The following NRG3 variants were observed in gnomAD, a reference collection of about 807,000 sequenced individuals.
NRG3 encodes the protein pro-neuregulin-3, membrane-bound isoform.
Under a neutral mutation model 66.9 loss-of-function variants are expected in NRG3, and 31 were observed. The ratio of observed to expected loss-of-function variants is 0.46; its 90% confidence interval spans 0.35 to 0.63. The LOEUF is 0.63. Among genes scored for constraint, NRG3 ranks in the 20% least tolerant of loss-of-function variants. NRG3 has a pLI of 0.00. For synonymous variants in NRG3, 393 were observed against 359.4 expected, an observed-to-expected ratio of 1.09 and a Z score of -1.06; for missense variants, 910 against 878.9, an observed-to-expected ratio of 1.04 and a Z score of -0.45.
At chr10:82,218,249 A>G (rs2075779961) in intron 1 of NRG3, among the ~76,000 whole-genome samples, 1 of 152,224 alleles carries the variant, frequency 6.6e-6, no homozygotes, top group Non-Finnish European at 1.5e-5. Flanking sequence ...ACAAATTAAC[A>G]GCATAATATT....
chr10:82,675,704 T>C (rs1424293067), intron 2 of NRG3, among the ~76,000 whole-genome samples: 2 of 152,222 alleles, frequency 1.3e-5, no homozygotes, highest in Non-Finnish European at 2.9e-5. Flanking sequence ...CAAGGCTAGC[T>C]TGGCTTAAGC....
chr10:82,143,737 T>C (rs907793377), intron 1 of NRG3, among the ~76,000 whole-genome samples: 4 of 152,090 alleles, frequency 2.6e-5, no homozygotes, highest in Non-Finnish European at 1.5e-5. Flanking sequence ...AGTGAGCATG[T>C]GTGGATATGT....
At chr10:82,964,653 C>G (rs985581517) in intron 6 of NRG3, among the ~76,000 whole-genome samples, 6 of 152,142 alleles carry the variant, frequency 3.9e-5, no homozygotes, top group Non-Finnish European at 4.4e-5. Flanking sequence ...TCCCCATACT[C>G]GGGCTCATAA....
intron 3 of NRG3, among the ~76,000 whole-genome samples, chr10:82,773,735 A>G (rs577706830): frequency 6.6e-6 from 1 of 152,296 alleles, no homozygotes; most frequent in African/African-American, 2.4e-5. Flanking sequence ...CACTTCCAGT[A>G]CTATGTTGAA....
chr10:82,604,257 G>A (rs1399436591), intron 2 of NRG3, among the ~76,000 whole-genome samples: 5 of 151,902 alleles, frequency 3.3e-5, no homozygotes, highest in Admixed American at 3.3e-4. Context: ...ACATAGTTTT[G>A]GTTTTTTCCA....
intron 1 of NRG3, among the ~76,000 whole-genome samples, chr10:82,218,252 A>G (rs1278306887): frequency 6.6e-6 from 1 of 152,124 alleles, no homozygotes; most frequent in East Asian, 1.9e-4. Context: ...AATTAACAGC[A>G]TAATATTACG....
chr10:81,986,828 C>T (rs1170341931), intron 1 of NRG3, among the ~76,000 whole-genome samples: 1 of 152,064 alleles, frequency 6.6e-6, no homozygotes. Context: ...GTGCATGCCA[C>T]CATTCCCAGC....
rs149783779 is a variant in NRG3 at position 81,932,774 on chromosome 10, G to A, written c.823+56611G>A. On this transcript the variant is annotated intron_variant, in intron 1 of 8. Transcript: ENST00000372141. ...AGGTGTTTGATAGCTTCTAGTCACC[G>A]TCCAAAGGGTCATGGTCTTTCTGAT... Among the ~76,000 whole-genome samples the A allele has an allele frequency of 2.7e-3, 406 of 152,172 alleles. 1 individual carries two copies. Among genetic ancestry groups the A allele is most frequent in the Middle Eastern group, 0.014 (4 of 294 alleles).
intron 4 of NRG3, among the ~76,000 whole-genome samples, chr10:82,945,699 G>A (rs1195535598): frequency 2.0e-5 from 3 of 152,232 alleles, no homozygotes; most frequent in East Asian, 3.9e-4. Context: ...CATGATAACA[G>A]TATTAATCCC....
intron 1 of NRG3, among the ~76,000 whole-genome samples, chr10:82,059,505 G>GA: frequency 6.6e-6 from 1 of 152,068 alleles, no homozygotes; most frequent in South Asian, 2.1e-4. Context: ...AAACGTGATA[G>GA]AAGGAGGAGC....
At chr10:82,575,464 A>G (rs546919344) in intron 2 of NRG3, among the ~76,000 whole-genome samples, 64 of 151,886 alleles carry the variant, frequency 4.2e-4, no homozygotes, top group African/African-American at 1.4e-3. Context: ...ATGTGTGAAG[A>G]GTGCACATGG....
intron 1 of NRG3, among the ~76,000 whole-genome samples, chr10:82,186,805 C>T (rs2073835698): frequency 6.6e-6 from 1 of 152,170 alleles, no homozygotes; most frequent in Non-Finnish European, 1.5e-5. Context: ...ATTCAAATCC[C>T]TTTCGTAGAA....
intron 1 of NRG3, among the ~76,000 whole-genome samples, chr10:82,044,334 G>A (rs11192282): frequency 0.14 from 21,867 of 151,904 alleles, 1,903 homozygotes; most frequent in East Asian, 0.26. Flanking sequence ...ACCGTGGACA[G>A]GATACCCTTC....
chr10:82,976,492 T>C (rs1167729117), intron 7 of NRG3, among the ~76,000 whole-genome samples: 1 of 152,204 alleles, frequency 6.6e-6, no homozygotes, highest in Non-Finnish European at 1.5e-5. Flanking sequence ...GCACCTATTG[T>C]GTGCCAGGCT....
chr10:82,188,176 A>G (rs2073923242), intron 1 of NRG3, among the ~76,000 whole-genome samples: 1 of 152,126 alleles, frequency 6.6e-6, no homozygotes, highest in Non-Finnish European at 1.5e-5. Context: ...CAGTATACTC[A>G]TTTTTAACAA....
chr10:82,671,194 C>G (rs908092861), intron 2 of NRG3, among the ~76,000 whole-genome samples: 4 of 152,198 alleles, frequency 2.6e-5, no homozygotes, highest in African/African-American at 9.7e-5. Context: ...CTTAAAACAG[C>G]TGCAACACTG....
At chr10:82,499,444 C>G (rs1590361253) in intron 2 of NRG3, among the ~76,000 whole-genome samples, 1 of 152,128 alleles carries the variant, frequency 6.6e-6, no homozygotes, top group Non-Finnish European at 1.5e-5. Flanking sequence ...TCCTTCATTT[C>G]TTCACATGTT....
intron 3 of NRG3, among the ~76,000 whole-genome samples, chr10:82,760,634 T>C (rs569985109): frequency 6.6e-6 from 1 of 152,026 alleles, no homozygotes; most frequent in Non-Finnish European, 1.5e-5. Context: ...AATAAAACTA[T>C]ATTATTCTGC....
At chr10:82,315,633 T>C (rs1259783190) in intron 1 of NRG3, among the ~76,000 whole-genome samples, 1 of 151,934 alleles carries the variant, frequency 6.6e-6, no homozygotes, top group Non-Finnish European at 1.5e-5. Flanking sequence ...ATCGTATCTC[T>C]GTGTCAAAGA....
Sources: gnomAD v4.1 joint callset for allele counts (sites outside exome capture counted in the v4.1 genomes callset) on GRCh38, gnomAD v4.1.1 for gene constraint, MANE v1.5 for transcripts, NCBI Gene and HGNC (gene_info 2026-07-23, HGNC 2026-07-21) for gene names.